TESK2: variants seen among roughly 807,000 people sequenced by gnomAD.
The protein encoded by TESK2 is testis associated actin remodelling kinase 2.
TESK2 carries 39 observed loss-of-function variants against 57.1 expected under a neutral mutation model. The ratio of observed to expected loss-of-function variants is 0.68; its 90% CI spans 0.53 to 0.89. The LOEUF (loss-of-function observed/expected upper bound fraction) is 0.89. Among genes scored for constraint, TESK2 ranks in the 40% least tolerant of loss-of-function variants. The pLI, the probability that TESK2 is intolerant of heterozygous loss-of-function variation, is 0.00. For synonymous variants in TESK2, 249 were observed against 267.9 expected (o/e 0.93, Z 0.69); for missense variants, 646 against 732.1 (o/e 0.88, Z 1.36).
intron 1 of TESK2, among the ~76,000 whole-genome samples, chr1:45,462,271 CTCT>C (rs1652363236): frequency 1.3e-5 from 2 of 151,704 alleles, no homozygotes; most frequent in African/African-American, 4.9e-5. Context: ...AAAAAGGGAT[CTCT>C]TTTTTTTTTT....
chr1:45,394,679 C>CTTTTTT (rs5773871), intron 3 of TESK2, among the ~76,000 whole-genome samples: 2,097 of 57,398 alleles, frequency 0.037, 162 homozygotes, highest in Non-Finnish European at 0.049. Context: ...ACAGGAAACT[C>CTTTTTT]TTTTTTTTTT....
At chr1:45,365,894 T>G (rs1000320070) in intron 4 of TESK2, among the ~76,000 whole-genome samples, 1 of 151,988 alleles carries the variant, frequency 6.6e-6, no homozygotes, top group African/African-American at 2.4e-5. Context: ...CAGGCTGGTT[T>G]TGAACTCCTG....
At position 45,384,367 on chromosome 1, in the gene TESK2, C is replaced by G. The variant is rs554080745; in HGVS notation, c.393+1545G>C. Among the ~76,000 whole-genome samples the G allele has an allele frequency of 1.0e-3, 137 of 134,224 alleles. No homozygotes were observed. The East Asian group carries it at 0.011, about 10-fold the overall frequency. 88.1% of individuals were successfully genotyped at this position (134,224 alleles called of 152,430 possible). A position where few individuals can be genotyped will look rare whatever the true frequency, so the allele number is the denominator to read the frequency against. ...TGTATGTATGTATGTACGTACGTAT[C>G]TATCTATCTATCTATCTATCTGTCT... On this transcript the variant is annotated intron_variant, in intron 4 of 10. Coordinates refer to ENST00000372086, the MANE Select transcript of TESK2 (RefSeq NM_007170.3).
chr1:45,350,688 C>T (rs1478400732), intron 5 of TESK2, among the ~76,000 whole-genome samples: 2 of 152,190 alleles, frequency 1.3e-5, no homozygotes, highest in Non-Finnish European at 2.9e-5. Context: ...CTCAATCCTA[C>T]CATGTGATCT....
At chr1:45,351,648 C>T (rs59975097) in intron 5 of TESK2, among the ~76,000 whole-genome samples, 1,643 of 152,286 alleles carry the variant, frequency 0.011, 33 homozygotes, top group African/African-American at 0.037. Flanking sequence ...GTGGACTGAT[C>T]GCTCCTGCAA....
chr1:45,422,982 C>A (rs1281722332), intron 2 of TESK2, among the ~76,000 whole-genome samples: 5 of 151,926 alleles, frequency 3.3e-5, no homozygotes, highest in Admixed American at 3.3e-4. Context: ...GTTGGCCAGG[C>A]TGGTCTCGAA....
chr1:45,361,237 A>T (rs1647672545), intron 4 of TESK2, among the ~76,000 whole-genome samples: 1 of 152,240 alleles, frequency 6.6e-6, no homozygotes, highest in South Asian at 2.1e-4. Flanking sequence ...GGAAGCAGAG[A>T]CAAGAGCAAC....
In TESK2 at chr1:45,346,996, A is replaced by T. The variant is rs1343155923; in HGVS notation, c.775T>A (p.Tyr259Asn). Residue 259 changes from tyrosine to asparagine, a missense_variant, in exon 8 of 11, where the codon TAT becomes AAT. Transcript: ENST00000372086. ...IIARIQADPDYLPRTENFGLD... is the reference protein window; with the variant it reads ...IIARIQADPDNLPRTENFGLD... Reference sequence around the variant, plus strand: ...CAGCTCACCTCTGTGCGGGGAAGATAGTCCGGATCGGCCTGGATGCGGGCG... The same window carrying T: ...CAGCTCACCTCTGTGCGGGGAAGATTGTCCGGATCGGCCTGGATGCGGGCG... 2 of 1,614,194 alleles carry T rather than the reference A, an allele frequency of 1.2e-6. No individual in the cohort carries two copies. Among genetic ancestry groups the T allele is most frequent in the South Asian group, 2.2e-5 (2 of 91,086 alleles).
chr1:45,419,436 C>T (rs1650373623), intron 3 of TESK2, among the ~76,000 whole-genome samples: 2 of 152,150 alleles, frequency 1.3e-5, no homozygotes, highest in Non-Finnish European at 1.5e-5. Flanking sequence ...TGCTAGCAGA[C>T]ACTCTATTTT....
chr1:45,457,867 T>C lies in TESK2; in HGVS notation c.-82A>G. 7.9e-7 allele frequency: 1 copy of C among 1,273,616 alleles called. No homozygotes were observed. The highest frequency in any genetic ancestry group is 1.5e-5 in the African/African-American group (1 of 67,382). 78.9% of individuals were successfully genotyped at this position (1,273,616 alleles called of 1,614,324 possible). ...GTTGAATTTTACTTCTCTTCTGGTT[T>C]GACACTAAAGAGATCAAAAAAATTT... On this transcript the variant is annotated 5_prime_UTR_variant, in exon 2 of 11. Coordinates refer to ENST00000372086, the MANE Select transcript of TESK2 (RefSeq NM_007170.3).
intron 4 of TESK2, among the ~76,000 whole-genome samples, chr1:45,355,823 G>T: frequency 6.6e-6 from 1 of 152,194 alleles, no homozygotes; most frequent in East Asian, 1.9e-4. Flanking sequence ...TAGCACGAAA[G>T]ACACAGAGGG....
intron 1 of TESK2, among the ~76,000 whole-genome samples, chr1:45,472,251 C>CAA (rs10605872): frequency 2.4e-5 from 3 of 123,746 alleles, no homozygotes; most frequent in Non-Finnish European, 3.4e-5. Context: ...GACTCCATCT[C>CAA]AAAAAAAAAA....
chr1:45,368,909 T>G (rs1380977919), intron 4 of TESK2, among the ~76,000 whole-genome samples: 3 of 151,520 alleles, frequency 2.0e-5, no homozygotes, highest in Non-Finnish European at 4.4e-5. Context: ...CCACCATGCC[T>G]GGCTAATTTT....
intron 1 of TESK2, among the ~76,000 whole-genome samples, chr1:45,461,027 A>G (rs908664275): frequency 1.3e-5 from 2 of 152,064 alleles, no homozygotes; most frequent in Non-Finnish European, 2.9e-5. Flanking sequence ...CATGGGTCAT[A>G]ATAGCTTTTT....
intron 4 of TESK2, among the ~76,000 whole-genome samples, chr1:45,363,211 A>G (rs1407485503): frequency 6.6e-6 from 1 of 152,184 alleles, no homozygotes; most frequent in Non-Finnish European, 1.5e-5. Flanking sequence ...TATCTTTTTA[A>G]AATTTATTTT....
At chr1:45,359,189 A>T (rs542102207) in intron 4 of TESK2, among the ~76,000 whole-genome samples, 23 of 152,312 alleles carry the variant, frequency 1.5e-4, no homozygotes, top group Admixed American at 1.2e-3. Flanking sequence ...TCCATCTTTC[A>T]CTTTTCTCAA....
At chr1:45,464,083 T>G (rs1253429798) in intron 1 of TESK2, among the ~76,000 whole-genome samples, 2 of 152,210 alleles carry the variant, frequency 1.3e-5, no homozygotes, top group Non-Finnish European at 2.9e-5. Context: ...TCACTGGTAT[T>G]TTGATGCAGA....
chr1:45,429,385 A>G (rs1356581589), intron 2 of TESK2, among the ~76,000 whole-genome samples: 1 of 152,026 alleles, frequency 6.6e-6, no homozygotes, highest in Non-Finnish European at 1.5e-5. Flanking sequence ...GACAGAGCGC[A>G]ACTCCATCTA....
chr1:45,474,571 C>T (rs745724802), intron 1 of TESK2, among the ~76,000 whole-genome samples: 3 of 152,008 alleles, frequency 2.0e-5, no homozygotes, highest in East Asian at 1.9e-4. Context: ...CTCCTGGGTT[C>T]GAGCGATTCT....
Sources: gnomAD v4.1 joint callset for allele counts (sites outside exome capture counted in the v4.1 genomes callset) on GRCh38, gnomAD v4.1.1 for gene constraint, MANE v1.5 for transcripts, NCBI Gene and HGNC (gene_info 2026-07-23, HGNC 2026-07-21) for gene names.